PTPRH: variants seen among roughly 807,000 people sequenced by gnomAD.
PTPRH encodes the protein receptor-type tyrosine-protein phosphatase H.
A neutral mutation model predicts 130.2 loss-of-function variants in PTPRH; 113 were observed. That is an observed-to-expected ratio of 0.87 (90% CI 0.75 to 1.01). The LOEUF (loss-of-function observed/expected upper bound fraction) is 1.01, where lower values mean the gene tolerates loss of function less well. Ranked by LOEUF, PTPRH falls within the 50% of genes least tolerant of loss-of-function variation. The probability of loss-of-function intolerance (pLI) is 0.00; values close to 1 mark genes in which losing one functional copy is unlikely to be tolerated. For missense variants in PTPRH, 1,430 were observed against 1,425.0 expected, an observed-to-expected ratio of 1.00 and a Z score of -0.06; for synonymous variants, 556 against 577.9, an observed-to-expected ratio of 0.96 and a Z score of 0.54.
In PTPRH at chr19:55,197,389, T is replaced by C. The variant is rs1031865859; in HGVS notation, c.1718A>G (p.Asn573Ser). The change falls in exon 9 of 20, where the codon AAT (asparagine) becomes AGT (serine). Residue 573 changes from asparagine to serine, a missense_variant. By Grantham distance (46) the Asn-to-Ser change is conservative. Coordinates refer to ENST00000376350, the MANE Select transcript of PTPRH (RefSeq NM_002842.5). ...GACTGAGTTCTTAGTCTGAGTTTCATTCTGGAGATCTGTGACCTCATTGGG... is the reference window on the plus strand; with the variant it reads ...GACTGAGTTCTTAGTCTGAGTTTCACTCTGGAGATCTGTGACCTCATTGGG... ...TAPNEVTDLQ[N>S]ETQTKNSVML... The C allele has an allele frequency of 2.2e-5, 36 of 1,613,376 alleles. No individual in the cohort carries two copies. Among genetic ancestry groups the C allele is most frequent in the Non-Finnish European group, 3.1e-5 (36 of 1,179,408 alleles).
chr19:55,186,776 G>C (rs991479539), intron 14 of PTPRH, among the ~76,000 whole-genome samples: 1 of 152,210 alleles, frequency 6.6e-6, no homozygotes, highest in Non-Finnish European at 1.5e-5. Flanking sequence ...CGGGTGCAGT[G>C]ACTCACACCT....
intron 14 of PTPRH, 117 bp downstream of exon 14, chr19:55,187,396 A>G: frequency 1.9e-6 from 1 of 516,882 alleles, no homozygotes; most frequent in Non-Finnish European, 3.3e-6. Context: ...GAAAAAAAAA[A>G]GGAGACCCAC....
chr19:55,190,514 A>G (rs1370728263), intron 12 of PTPRH, among the ~76,000 whole-genome samples: 1 of 137,754 alleles, frequency 7.3e-6, no homozygotes, highest in African/African-American at 2.8e-5. Context: ...ATTATATATA[A>G]TGTATATTTT....
chr19:55,191,350 G>C (rs1393181487), intron 12 of PTPRH, 151 bp downstream of exon 12: 1 of 863,516 alleles, frequency 1.2e-6, no homozygotes, highest in Non-Finnish European at 1.9e-6. Flanking sequence ...CACGATGGAA[G>C]GGCCGTGGTC....
intron 6 of PTPRH, among the ~76,000 whole-genome samples, chr19:55,200,835 C>T (rs572243594): frequency 3.3e-5 from 5 of 151,732 alleles, no homozygotes; most frequent in Non-Finnish European, 7.4e-5. Flanking sequence ...CCCAGCTACT[C>T]GGGAGGCTGA....
intron 14 of PTPRH, 63 bp from the exon 15 acceptor site, chr19:55,186,603 C>CAGGCAGAGAGACCCAGAG (rs2086340924): frequency 1.3e-6 from 2 of 1,570,338 alleles, no homozygotes; most frequent in Admixed American, 3.4e-5. Flanking sequence ...GACAAGACCA[C>CAGGCAGAGAGACCCAGAG]AGGCAGAGAG....
intron 5 of PTPRH, among the ~76,000 whole-genome samples, 171 bp downstream of exon 5, chr19:55,203,611 A>G (rs1306299960): frequency 6.6e-6 from 1 of 151,700 alleles, no homozygotes; most frequent in Admixed American, 6.6e-5. Flanking sequence ...CAGGCTGACC[A>G]GTTTCTTTGT....
intron 10 of PTPRH, 171 bp from the exon 11 acceptor site, chr19:55,191,912 A>G (rs759198536): frequency 1.0e-5 from 7 of 701,760 alleles, no homozygotes; most frequent in African/African-American, 1.7e-5. Context: ...GCGCTTACCC[A>G]TGGATTTTCC....
chr19:55,187,988 C>T (rs1599991460), intron 13 of PTPRH, 90 bp downstream of exon 13: 6 of 922,836 alleles, frequency 6.5e-6, no homozygotes, highest in African/African-American at 1.8e-5. Context: ...TGCTTAATCC[C>T]GAAAGCCGTG....
At position 55,196,652 on chromosome 19, in the gene PTPRH, T is replaced by C; in HGVS notation, c.2127A>G (p.Arg709=). The C allele has an allele frequency of 1.2e-6, 2 of 1,613,790 alleles. No homozygotes were observed. Among genetic ancestry groups the C allele is most frequent in the Non-Finnish European group, 1.7e-6 (2 of 1,179,946 alleles). ...CAGACACAGCCTCCCCACATGAAGA[T>C]CTGTCCTGGGAGCCCCGCTGTCCTC... is the stretch of plus-strand genomic sequence containing the variant. The part of the protein sequence containing the change: ...EVGGQRGSQD[R]SSCGEAVSVL... Residue 709 remains arginine, a synonymous_variant, in exon 10 of 20, where the codon AGA becomes AGG. Transcript: ENST00000376350.
intron 10 of PTPRH, among the ~76,000 whole-genome samples, chr19:55,194,709 G>T (rs145411228): frequency 6.2e-4 from 95 of 152,236 alleles, no homozygotes; most frequent in African/African-American, 1.8e-3. Context: ...AACCCGGGGT[G>T]GGGGGTAGTT....
intron 4 of PTPRH, among the ~76,000 whole-genome samples, chr19:55,204,324 C>A (rs776959650): frequency 6.6e-6 from 1 of 152,130 alleles, no homozygotes; most frequent in African/African-American, 2.4e-5. Context: ...AGGCTGGTCT[C>A]GAACTCCTGA....
Position 55,182,137 on chromosome 19 carries a change from C to T in PTPRH, c.3077G>A (p.Arg1026His), listed in dbSNP as rs376054614. The T allele has an allele frequency of 2.1e-5, 34 of 1,613,628 alleles. No individual in the cohort carries two copies. The highest frequency in any genetic ancestry group is 3.3e-5 in the Admixed American group (2 of 59,992). The change falls in exon 19 of 20, where the codon CGC becomes CAC. Residue 1026 changes from arginine to histidine, a missense_variant. Arg to His is a conservative substitution (Grantham distance 29). Transcript: ENST00000376350. Reference protein sequence around the residue: ...PIVHCSAGVGRTGTLIALDVL... With the variant: ...PIVHCSAGVGHTGTLIALDVL... ...GTCCAGGGCAATGAGGGTTCCTGTG[C>T]GACCCACGCCAGCACTAGGCAGAAC...
rs1461010626 is a variant in PTPRH, at chr19:55,193,951, T to C, written c.2258-2210A>G. 6 of 319,960 alleles carry C rather than the reference T, an allele frequency of 1.9e-5. No individual in the cohort carries two copies. In the East Asian group the frequency reaches 6.1e-4, roughly 33 times the overall value. The allele number at this position is 319,960 out of a possible 1,614,324, so 19.8% of individuals were successfully genotyped here. The stretch of plus-strand genomic sequence containing the variant: ...GCAACCTCCGCCTCCTGGGTTCTAG[T>C]GATTCTCTTGCCTCAGCCTCCTGAG... On this transcript the variant is annotated intron_variant, in intron 10 of 19. Coordinates refer to ENST00000376350, the MANE Select transcript of PTPRH (RefSeq NM_002842.5).
intron 1 of PTPRH, 48 bp from the exon 2 acceptor site, chr19:55,207,247 C>G (rs371102783): frequency 1.3e-6 from 2 of 1,596,460 alleles, no homozygotes; most frequent in Middle Eastern, 1.7e-4. Context: ...ACCACTCCTC[C>G]GCCCAGTGAG....
At position 55,196,990 on chromosome 19, in the gene PTPRH, C is replaced by T. The variant is rs1600041004; in HGVS notation, c.1990+127G>A. Reference sequence around the variant, plus strand: ...AACTCCCATGAGGCCTTGGGCTCCTCCATCACTGCAGCTCATGAAGTCATG... The same window carrying T: ...AACTCCCATGAGGCCTTGGGCTCCTTCATCACTGCAGCTCATGAAGTCATG... On this transcript the variant is annotated intron_variant, in intron 9 of 19. Transcript: ENST00000376350. The T allele has an allele frequency of 3.9e-6, 5 of 1,292,482 alleles. No individual in the cohort carries two copies. The South Asian group carries it at 7.3e-5, about 19-fold the overall frequency. The allele number at this position is 1,292,482 out of a possible 1,614,324, so 80.1% of individuals were successfully genotyped here.
intron 5 of PTPRH, among the ~76,000 whole-genome samples, chr19:55,203,220 G>A (rs534439461): frequency 2.9e-4 from 43 of 149,240 alleles, no homozygotes; most frequent in Middle Eastern, 7.2e-3. Context: ...CCAGCTACTC[G>A]GGAGGCTGAG....
Position 55,198,751 on chromosome 19 carries a change from T to C in PTPRH, c.1582A>G (p.Thr528Ala). The C allele has an allele frequency of 1.9e-6, 3 of 1,614,176 alleles. No individual in the cohort carries two copies. The highest frequency in any genetic ancestry group is 2.5e-6 in the Non-Finnish European group (3 of 1,180,026). Residue 528 changes from threonine (T) to alanine (A), a missense_variant, in exon 8 of 20, where the codon ACT (threonine) becomes GCT (alanine). Coordinates refer to ENST00000376350, the MANE Select transcript of PTPRH (RefSeq NM_002842.5). ...TCCAGTTCCTTTAGGGTGATGTCAG[T>C]ACCTGAGGTGCTTTGGGTCCTGGGG... ...TDPRTQSTSG[T>A]DITLKELEAG...
chr19:55,191,543 T>C lies in PTPRH; in HGVS notation c.2342A>G (p.Lys781Arg), dbSNP rs746513601. 1.7e-5 allele frequency: 27 copies of C among 1,614,058 alleles called. No individual in the cohort carries two copies. Among genetic ancestry groups the C allele is most frequent in the Non-Finnish European group, 2.3e-5 (27 of 1,180,006 alleles). Residue 781 changes from lysine to arginine, a missense_variant, in exon 12 of 20, where the codon AAG (lysine) becomes AGG (arginine). Coordinates refer to ENST00000376350, the MANE Select transcript of PTPRH (RefSeq NM_002842.5). Reference sequence around the variant, plus strand: ...GAGTTCTGGTTTCTGCTGCTTCTTCTTATTCCTGGGAAAAGGACGTTAGGA... The same window carrying C: ...GAGTTCTGGTTTCTGCTGCTTCTTCCTATTCCTGGGAAAAGGACGTTAGGA... ...LLIFFLKRRNKKKQQKPELRD... is the reference protein window; with the variant it reads ...LLIFFLKRRNRKKQQKPELRD...
Sources: gnomAD v4.1 joint callset for allele counts (sites outside exome capture counted in the v4.1 genomes callset) on GRCh38, gnomAD v4.1.1 for gene constraint, MANE v1.5 for transcripts, NCBI Gene and HGNC (gene_info 2026-07-23, HGNC 2026-07-21) for gene names.